Variants in CUL7 observed in about 807,000 individuals in gnomAD.
CUL7 encodes cullin 7.
A neutral mutation model predicts 177.7 loss-of-function variants in CUL7; 96 were observed. The observed-to-expected ratio is 0.54, with a 90% CI of 0.46 to 0.64. The LOEUF (loss-of-function observed/expected upper bound fraction) is 0.64. Ranked by LOEUF, CUL7 falls within the 30% of genes least tolerant of loss-of-function variation. The pLI, the probability that CUL7 is intolerant of heterozygous loss-of-function variation, is 0.00. For missense variants in CUL7, 1,893 were observed against 2,187.9 expected (o/e 0.87, Z 2.69); for synonymous variants, 824 against 890.2 (o/e 0.93, Z 1.32).
At position 43,038,828 on chromosome 6, in the gene CUL7, C is replaced by G; in HGVS notation, c.4440+14G>C. 6.2e-7 allele frequency: 1 copy of G among 1,614,142 alleles called. No homozygotes were observed. Among genetic ancestry groups the G allele is most frequent in the Non-Finnish European group, 8.5e-7 (1 of 1,180,002 alleles). On this transcript the variant is annotated intron_variant, in intron 23 of 25. Transcript: ENST00000265348. ...AGTGGGAGACAGGAGAGAGGTGCAG[C>G]GGGGCTGGGCCACCTTCAGGTCGTT...
In CUL7 at chr6:43,040,908, C is replaced by T. The variant is rs776057974; in HGVS notation, c.3806+7G>A. On this transcript the variant is annotated splice_region_variant and intron_variant, in intron 20 of 25. Coordinates refer to ENST00000265348, the MANE Select transcript of CUL7 (RefSeq NM_014780.5). The surrounding 1 kb of genome is among the most constrained non-coding windows in gnomAD (Gnocchi z 4.2). ...CGCCAGCTCCCGCTCCTTAGGTCCA[C>T]ACTCACTGGTAATAATGCTCAAAAG... 3 of 1,613,062 alleles carry T rather than the reference C, an allele frequency of 1.9e-6. No homozygotes were observed. Among genetic ancestry groups the T allele is most frequent in the Non-Finnish European group, 2.5e-6 (3 of 1,179,494 alleles).
In CUL7 at chr6:43,052,863, C is replaced by A; in HGVS notation, c.-8-67G>T. On this transcript the variant is annotated intron_variant, in intron 1 of 25. Transcript: ENST00000265348. The surrounding 1 kb of genome is among the most constrained non-coding windows in gnomAD (Gnocchi z 4.5). Reference sequence around the variant, plus strand: ...GGAGAGGTCAGAAAATCAAAGATATCCAGGAGGTGGGGAAGCAAATGGCAA... The same window carrying A: ...GGAGAGGTCAGAAAATCAAAGATATACAGGAGGTGGGGAAGCAAATGGCAA... 6.6e-7 allele frequency: 1 copy of A among 1,517,212 alleles called. No individual in the cohort carries two copies. Among genetic ancestry groups the A allele is most frequent in the Non-Finnish European group, 8.9e-7 (1 of 1,124,836 alleles). The allele number at this position is 1,517,212 out of a possible 1,614,324, so 94.0% of individuals were successfully genotyped here.
chr6:43,038,349 CGT>C lies in CUL7; in HGVS notation c.4689_4690del (p.Arg1564GlufsTer17). ...GACGATGAGGCAGTTCAGAAGATTC[CGT>C]CTCTTCTCCAAGTTCTGGCCGTCTT... is the stretch of plus-strand genomic sequence containing the variant. On this transcript the variant is annotated frameshift_variant, in exon 25 of 26. Transcript: ENST00000265348. LOFTEE classifies it high-confidence loss of function. 1.2e-6 allele frequency: 2 copies of C among 1,614,184 alleles called. No individual in the cohort carries two copies. The highest frequency in any genetic ancestry group is 1.7e-6 in the Non-Finnish European group (2 of 1,180,028).
Position 43,047,012 on chromosome 6 carries a change from G to T in CUL7, c.2265C>A (p.Ile755=), listed in dbSNP as rs1189630074. The change falls in exon 10 of 26, where the codon ATC becomes ATA. Residue 755 remains isoleucine, a synonymous_variant. Coordinates refer to ENST00000265348, the MANE Select transcript of CUL7 (RefSeq NM_014780.5). ...CCAGGTGCTTTTCCAGGGCCTTGGA[G>T]ATAGCGTCTCTTGCTCCCAGCTGAT... ...VLNQLGARDA[I]SKALEKHLGK... 2 of 1,612,332 alleles carry T rather than the reference G, an allele frequency of 1.2e-6. No individual in the cohort carries two copies. The highest frequency in any genetic ancestry group is 2.2e-5 in the South Asian group (2 of 91,056).
rs150288581 is a variant in CUL7 at position 43,039,923 on chromosome 6, G to C, written c.4294+233C>G. 5.9e-3 allele frequency among the ~76,000 whole-genome samples: 902 copies of C among 152,158 alleles called. 8 individuals carry two copies. Among genetic ancestry groups the C allele is most frequent in the African/African-American group, 0.02 (844 of 41,498 alleles). On this transcript the variant is annotated intron_variant, in intron 22 of 25. Coordinates refer to ENST00000265348, the MANE Select transcript of CUL7 (RefSeq NM_014780.5). Reference sequence around the variant, plus strand: ...CCGGCTAATTTCTGTATTTTTAGCAGAGACGAGGTTTCACCATGTTGGCCA... The same window carrying C: ...CCGGCTAATTTCTGTATTTTTAGCACAGACGAGGTTTCACCATGTTGGCCA...
chr6:43,039,335 C>T (rs995356340), intron 22 of CUL7, among the ~76,000 whole-genome samples: 1 of 152,166 alleles, frequency 6.6e-6, no homozygotes, highest in African/African-American at 2.4e-5. Context: ...GAAACAATGT[C>T]TCCCCTATTA....
At position 43,038,380 on chromosome 6, in the gene CUL7, C is replaced by T. The variant is rs1177109792; in HGVS notation, c.4660G>A (p.Gly1554Ser). 1 of 1,614,056 alleles carries T rather than the reference C, an allele frequency of 6.2e-7. No homozygotes were observed. The highest frequency in any genetic ancestry group is 1.3e-5 in the African/African-American group (1 of 74,924). The change falls in exon 25 of 26, where the codon GGT becomes AGT. Residue 1554 changes from glycine (G) to serine (S), a missense_variant. Gly to Ser is a moderately conservative substitution (Grantham distance 56). This residue lies in a region of CUL7 where 248 missense variants were observed against 262.5 expected (regional missense o/e 0.94). Transcript: ENST00000265348. ...TTCTCCAAGTTCTGGCCGTCTTCAC[C>T]CTCAGCTTGCAGGTACGTCTGAGGT... is the stretch of plus-strand genomic sequence containing the variant. ...IPPQTYLQAE[G>S]EDGQNLEKRR...
In CUL7 at chr6:43,045,559, G is replaced by C. The variant is rs765793182; in HGVS notation, c.2862+28C>G. The C allele has an allele frequency of 9.9e-6, 16 of 1,613,736 alleles. No homozygotes were observed. The South Asian group carries it at 1.8e-4, about 18-fold the overall frequency. ...TATGGGGCTCAGAGCCCCCTACCCA[G>C]GGCCACACCCCACATCCCTGGCCCC... On this transcript the variant is annotated intron_variant, in intron 14 of 25. Coordinates refer to ENST00000265348, the MANE Select transcript of CUL7 (RefSeq NM_014780.5). This position sits in a 1 kb window ranked among gnomAD's most constrained non-coding sequence, Gnocchi z 4.8.
In CUL7 at chr6:43,051,271, GGCTTGCACCA is replaced by G. The variant is rs1160826185; in HGVS notation, c.920_929del (p.Leu307ProfsTer29). 5 of 1,611,454 alleles carry G rather than the reference GGCTTGCACCA, an allele frequency of 3.1e-6. No individual in the cohort carries two copies. The highest frequency in any genetic ancestry group is 2.2e-5 in the South Asian group (2 of 91,034). On this transcript the variant is annotated frameshift_variant, in exon 4 of 26. Transcript: ENST00000265348. LOFTEE classifies it high-confidence loss of function. This position sits in a 1 kb window ranked among gnomAD's most constrained non-coding sequence, Gnocchi z 5.0. ...TGTCTGAGGCCTGGTCCCAGCGCAT[GGCTTGCACCA>G]GCTCCGAGATCAGGGTGCCCATGGC...
In CUL7 at chr6:43,044,771, C is replaced by A; in HGVS notation, c.3153G>T (p.Val1051=). Residue 1051 remains valine (V), a synonymous_variant, in exon 16 of 26, where the codon GTG becomes GTT. Coordinates refer to ENST00000265348, the MANE Select transcript of CUL7 (RefSeq NM_014780.5). Reference sequence around the variant, plus strand: ...GGTTACCAGGGGAGGTGATGTTCTGCACCACGGGGCTGACCAGGGCCTCCC... The same window carrying A: ...GGTTACCAGGGGAGGTGATGTTCTGAACCACGGGGCTGACCAGGGCCTCCC... ...TCWEALVSPV[V]QNITSPDEDG... is the part of the protein sequence containing the mutation. The A allele has an allele frequency of 6.2e-7, 1 of 1,611,538 alleles. No homozygotes were observed. Among genetic ancestry groups the A allele is most frequent in the Admixed American group, 1.7e-5 (1 of 59,954 alleles).
Position 43,038,005 on chromosome 6 carries a change from C to G in CUL7, c.4780G>C (p.Glu1594Gln). Residue 1594 changes from glutamate (E) to glutamine (Q), a missense_variant, in exon 26 of 26, where the codon GAG becomes CAG. Glu to Gln is a conservative substitution (Grantham distance 29, BLOSUM62 2). Transcript: ENST00000265348. ...HIDQLVCLVL[E>Q]AWQKGPCPPR... Reference sequence around the variant, plus strand: ...GGACACGGGCCCTTCTGCCAAGCCTCCAGCACCTGGTGTGGGGGAGGAAGG... The same window carrying G: ...GGACACGGGCCCTTCTGCCAAGCCTGCAGCACCTGGTGTGGGGGAGGAAGG... The G allele has an allele frequency of 6.3e-7, 1 of 1,592,170 alleles. No individual in the cohort carries two copies. Among genetic ancestry groups the G allele is most frequent in the Non-Finnish European group, 8.6e-7 (1 of 1,168,178 alleles).
Position 43,040,361 on chromosome 6 carries a change from T to A in CUL7, c.4089A>T (p.Ala1363=), listed in dbSNP as rs746083212. 1.3e-5 allele frequency: 21 copies of A among 1,613,630 alleles called. No homozygotes were observed. The highest frequency in any genetic ancestry group is 1.8e-5 in the Non-Finnish European group (21 of 1,180,006). ...SEKEEEAGAA[A]VVDVAEGEEE... is the part of the protein sequence containing the mutation. ...CCTCTCCCTCCGCCACATCCACCACTGCTGCTGCCCCAGCTTCCTCTTCCT... is the reference window on the plus strand; with the variant it reads ...CCTCTCCCTCCGCCACATCCACCACAGCTGCTGCCCCAGCTTCCTCTTCCT... Residue 1363 remains alanine, a synonymous_variant, in exon 22 of 26, where the codon GCA becomes GCT. Coordinates refer to ENST00000265348, the MANE Select transcript of CUL7 (RefSeq NM_014780.5). The surrounding 1 kb of genome is among the most constrained non-coding windows in gnomAD (Gnocchi z 4.2).
Position 43,046,073 on chromosome 6 carries a change from C to G in CUL7, c.2679G>C (p.Val893=). Residue 893 remains valine, a synonymous_variant, in exon 13 of 26, where the codon GTG becomes GTC. Coordinates refer to ENST00000265348, the MANE Select transcript of CUL7 (RefSeq NM_014780.5). ...GCATGTAACTCGAGTCCTCACTAGC[C>G]ACAAGCAGAGTCAGTTGCCTGGGAG... The part of the protein sequence containing the change: ...GILIRQLTLL[V]ASEDSSYMPA... 1 of 1,614,182 alleles carries G rather than the reference C, an allele frequency of 6.2e-7. No homozygotes were observed. Among genetic ancestry groups the G allele is most frequent in the Non-Finnish European group, 8.5e-7 (1 of 1,180,020 alleles).
In CUL7 at chr6:43,043,666, T is replaced by C. The variant is rs1239757522; in HGVS notation, c.3173-36A>G. ...AGATAAACAAACCAAGGCACAGCCA[T>C]GTCTGCAGGGAAGTGGGAGTGGTTG... On this transcript the variant is annotated intron_variant, in intron 16 of 25. Transcript: ENST00000265348. The surrounding 1 kb of genome is among the most constrained non-coding windows in gnomAD (Gnocchi z 4.2). 2.1e-6 allele frequency: 3 copies of C among 1,426,636 alleles called. No individual in the cohort carries two copies. The highest frequency in any genetic ancestry group is 1.9e-6 in the Non-Finnish European group (2 of 1,026,500). 88.4% of individuals were successfully genotyped at this position (1,426,636 alleles called of 1,614,324 possible). A position where few individuals can be genotyped will look rare whatever the true frequency, so the allele number is the denominator to read the frequency against.
At chr6:43,042,702 C>A in intron 19 of CUL7, 100 bp downstream of exon 19, 2 of 788,022 alleles carry the variant, frequency 2.5e-6, no homozygotes, top group South Asian at 2.9e-5. Flanking sequence ...AACATATGTT[C>A]ATCATAGAAT....
Position 43,053,662 on chromosome 6 carries a change from C to T in CUL7, c.-49G>A. ...GGGTCCTGGCGCGAGGCCTGTCCTT[C>T]ACAGAGCAAGGGACGCGGCACAGAC... On this transcript the variant is annotated 5_prime_UTR_variant, in exon 1 of 26. Coordinates refer to ENST00000265348, the MANE Select transcript of CUL7 (RefSeq NM_014780.5). This position sits in a 1 kb window ranked among gnomAD's most constrained non-coding sequence, Gnocchi z 4.1. 3.6e-6 allele frequency: 5 copies of T among 1,400,072 alleles called. No homozygotes were observed. The highest frequency in any genetic ancestry group is 3.1e-5 in the South Asian group (2 of 64,186). 86.7% of individuals were successfully genotyped at this position (1,400,072 alleles called of 1,614,324 possible). A position where few individuals can be genotyped will look rare whatever the true frequency, so the allele number is the denominator to read the frequency against.
At position 43,051,167 on chromosome 6, in the gene CUL7, G is replaced by T. The variant is rs377529795; in HGVS notation, c.1034C>A (p.Ala345Asp). 1 of 1,614,198 alleles carries T rather than the reference G, an allele frequency of 6.2e-7. No homozygotes were observed. Among genetic ancestry groups the T allele is most frequent in the Non-Finnish European group, 8.5e-7 (1 of 1,180,036 alleles). The change falls in exon 4 of 26, where the codon GCC becomes GAC. Residue 345 changes from alanine to aspartate, a missense_variant. Coordinates refer to ENST00000265348, the MANE Select transcript of CUL7 (RefSeq NM_014780.5). The surrounding 1 kb of genome is among the most constrained non-coding windows in gnomAD (Gnocchi z 5.0). ...LADVSPGLPA[A>D]QAQPSFRRSR... ...CCTCCTGAAGGAGGGCTGAGCCTGG[G>T]CAGCGGGGAGCCCTGGGCTCACATC...
chr6:43,038,800 C>T (rs767699502), intron 23 of CUL7, 42 bp downstream of exon 23: 1 of 1,614,098 alleles, frequency 6.2e-7, no homozygotes, highest in South Asian at 1.1e-5. Context: ...AGGCAAGGGA[C>T]AAAGTGGGAG....
In CUL7 at chr6:43,040,670, A is replaced by G. The variant is rs1181294891; in HGVS notation, c.3883T>C (p.Cys1295Arg). ...EGAVLEQIGPCFPNRLPQQML... is the reference protein window; with the variant it reads ...EGAVLEQIGPRFPNRLPQQML... ...TGCTGGGGGAGGCGGTTGGGGAAGC[A>G]GGGACCGATCTGCTCCAGCACGGCC... is the stretch of plus-strand genomic sequence containing the variant. The change falls in exon 21 of 26, where the codon TGC (cysteine) becomes CGC (arginine). Residue 1295 changes from cysteine to arginine, a missense_variant. Transcript: ENST00000265348. This position sits in a 1 kb window ranked among gnomAD's most constrained non-coding sequence, Gnocchi z 4.2. 3 of 1,614,090 alleles carry G rather than the reference A, an allele frequency of 1.9e-6. No individual in the cohort carries two copies. The highest frequency in any genetic ancestry group is 2.7e-5 in the African/African-American group (2 of 74,924).
Sources: allele counts gnomAD v4.1 joint callset (sites outside exome capture counted in the v4.1 genomes callset), GRCh38; gene constraint gnomAD v4.1.1; regional missense constraint gnomAD v4.1.1; non-coding constraint Gnocchi (gnomAD v3.1); transcripts MANE v1.5; gene names NCBI Gene and HGNC (gene_info 2026-07-23, HGNC 2026-07-21).